The following NRXN3 variants were observed in gnomAD, a reference collection of about 807,000 sequenced individuals.
The protein encoded by NRXN3 is neurexin 3, also known as neurexin III.
NRXN3 carries 32 observed loss-of-function variants against 137.6 expected under a neutral mutation model. That is an observed-to-expected ratio of 0.23 (90% CI 0.18 to 0.31). The LOEUF is 0.31. Ranked by LOEUF, NRXN3 falls within the 10% of genes least tolerant of loss-of-function variation. The pLI is 1.00. For missense variants in NRXN3, 1,574 were observed against 2,062.5 expected, an observed-to-expected ratio of 0.76 and a Z score of 4.59; for synonymous variants, 798 against 784.5, an observed-to-expected ratio of 1.02 and a Z score of -0.29.
At chr14:78,517,982 T>C (rs1214877268) in intron 4 of NRXN3, among the ~76,000 whole-genome samples, 2 of 152,146 alleles carry the variant, frequency 1.3e-5, no homozygotes, top group Non-Finnish European at 2.9e-5. Context: ...ATGGATCTTT[T>C]GGGAGGTTAA....
intron 16 of NRXN3, among the ~76,000 whole-genome samples, chr14:79,565,677 AG>A (rs2097544714): frequency 6.6e-6 from 1 of 152,198 alleles, no homozygotes; most frequent in South Asian, 2.1e-4. Context: ...ACAAAATGGA[AG>A]GATGAATAAT....
At chr14:79,745,620 T>A (rs984878461) in intron 19 of NRXN3, among the ~76,000 whole-genome samples, 19 of 152,078 alleles carry the variant, frequency 1.2e-4, no homozygotes, top group Admixed American at 1.1e-3. Context: ...TTACAAGAAA[T>A]TTTTGGCTTA....
At position 79,137,419 on chromosome 14, in the gene NRXN3, G is replaced by A. The variant is rs551867598; in HGVS notation, c.3262+149278G>A. Among the ~76,000 whole-genome samples the A allele has an allele frequency of 5.1e-4, 77 of 149,696 alleles. 1 individual carries two copies. Among genetic ancestry groups the A allele is most frequent in the South Asian group, 8.6e-4 (4 of 4,644 alleles). On this transcript the variant is annotated intron_variant, in intron 15 of 20. Coordinates refer to ENST00000335750, the MANE Select transcript of NRXN3 (RefSeq NM_001330195.2). ...AAAGTGATGCACACTGCCCCAACAC[G>A]CACACATACACATACACCCCGCCTA...
At chr14:78,327,850 G>A (rs1437224810) in intron 4 of NRXN3, among the ~76,000 whole-genome samples, 1 of 152,162 alleles carries the variant, frequency 6.6e-6, no homozygotes, top group Non-Finnish European at 1.5e-5. Context: ...CTCAGCCTAG[G>A]CCTGGGCTCA....
chr14:79,713,041 G>A (rs1205200882), intron 19 of NRXN3, among the ~76,000 whole-genome samples: 1 of 151,838 alleles, frequency 6.6e-6, no homozygotes, highest in African/African-American at 2.4e-5. Context: ...GGAAGGACTT[G>A]TATCTTGGAA....
At chr14:79,608,848 G>GA (rs1021289714) in intron 16 of NRXN3, among the ~76,000 whole-genome samples, 4 of 150,978 alleles carry the variant, frequency 2.6e-5, no homozygotes, top group African/African-American at 7.3e-5. Flanking sequence ...GGAGTGCAGT[G>GA]AAAAAAAAGT....
chr14:79,486,432 A>G (rs2096656191), intron 16 of NRXN3, among the ~76,000 whole-genome samples: 1 of 152,250 alleles, frequency 6.6e-6, no homozygotes, highest in Non-Finnish European at 1.5e-5. Flanking sequence ...TATTCCCTGA[A>G]GTTCCCATGA....
intron 4 of NRXN3, among the ~76,000 whole-genome samples, chr14:78,502,686 T>C (rs1309373629): frequency 7.2e-5 from 11 of 152,212 alleles, no homozygotes; most frequent in Non-Finnish European, 1.0e-4. Context: ...TTACCTTAGC[T>C]ACTTTGATAT....
rs1485555030 is a variant in NRXN3 at position 79,324,476 on chromosome 14, A to G, written c.3263-142745A>G. Among the ~76,000 whole-genome samples, 6 of 152,218 alleles carry G rather than the reference A, an allele frequency of 3.9e-5. No homozygotes were observed. The East Asian group carries it at 9.6e-4, about 24-fold the overall frequency. On this transcript the variant is annotated intron_variant, in intron 15 of 20. Transcript: ENST00000335750. The stretch of plus-strand genomic sequence containing the variant: ...AGAGATTCCAGGTATGTTTAGTTAT[A>G]TACCATGCATTCTGGATCAAATAGA...
intron 15 of NRXN3, among the ~76,000 whole-genome samples, chr14:79,403,275 C>G (rs1392759295): frequency 6.6e-6 from 1 of 152,126 alleles, no homozygotes; most frequent in African/African-American, 2.4e-5. Flanking sequence ...CTCCTTAATC[C>G]TATGCTAGGG....
intron 15 of NRXN3, among the ~76,000 whole-genome samples, chr14:79,268,651 G>A (rs905688624): frequency 6.6e-6 from 1 of 152,268 alleles, no homozygotes; most frequent in Middle Eastern, 3.4e-3. Context: ...CACATAAATT[G>A]CATAGGATTT....
chr14:79,128,386 A>C (rs1372146522), intron 15 of NRXN3, among the ~76,000 whole-genome samples: 16 of 148,190 alleles, frequency 1.1e-4, no homozygotes, highest in African/African-American at 4.0e-4. Flanking sequence ...TTTAGCATGA[A>C]GCGTTGTTGA....
At chr14:78,476,727 A>G (rs1016723665) in intron 4 of NRXN3, among the ~76,000 whole-genome samples, 1 of 152,166 alleles carries the variant, frequency 6.6e-6, no homozygotes, top group Non-Finnish European at 1.5e-5. Flanking sequence ...AGATAATTCA[A>G]AATGCAGGGC....
chr14:78,614,630 A>G (rs2097330423), intron 4 of NRXN3, among the ~76,000 whole-genome samples: 1 of 152,128 alleles, frequency 6.6e-6, no homozygotes, highest in Non-Finnish European at 1.5e-5. Context: ...CACATTTCAA[A>G]TAAGATTTTG....
intron 11 of NRXN3, among the ~76,000 whole-genome samples, chr14:78,959,914 A>G (rs2099404851): frequency 6.6e-6 from 1 of 152,146 alleles, no homozygotes; most frequent in South Asian, 2.1e-4. Flanking sequence ...CTCTCCTGAC[A>G]GTGAGTTCGT....
intron 4 of NRXN3, among the ~76,000 whole-genome samples, chr14:78,614,755 A>G (rs1345880041): frequency 6.6e-6 from 1 of 152,216 alleles, no homozygotes; most frequent in Non-Finnish European, 1.5e-5. Context: ...ATATAAGGCT[A>G]TGCTGGATGG....
At chr14:78,700,671 T>C (rs962706356) in intron 6 of NRXN3, among the ~76,000 whole-genome samples, 2 of 152,230 alleles carry the variant, frequency 1.3e-5, no homozygotes, top group African/African-American at 4.8e-5. Flanking sequence ...TAGTGGACTC[T>C]GTGAAAATGA....
intron 15 of NRXN3, among the ~76,000 whole-genome samples, chr14:79,089,087 CT>C (rs1245634260): frequency 1.3e-5 from 2 of 152,038 alleles, no homozygotes; most frequent in East Asian, 3.9e-4. Flanking sequence ...TCTTGAGCTT[CT>C]TGTGTTTTAT....
At chr14:79,077,347 G>A (rs1348825682) in intron 15 of NRXN3, among the ~76,000 whole-genome samples, 1 of 152,124 alleles carries the variant, frequency 6.6e-6, no homozygotes, top group East Asian at 1.9e-4. Context: ...GAGGCACTGG[G>A]GAAGTGTCCA....
Sources: gnomAD v4.1 joint callset for allele counts (sites outside exome capture counted in the v4.1 genomes callset) on GRCh38, gnomAD v4.1.1 for gene constraint, MANE v1.5 for transcripts, NCBI Gene and HGNC (gene_info 2026-07-23, HGNC 2026-07-21) for gene names.